Variants in SLC25A12 observed in about 807,000 individuals in gnomAD.
The protein encoded by SLC25A12 is electrogenic aspartate/glutamate antiporter SLC25A12, mitochondrial.
Under a neutral mutation model 83.3 loss-of-function variants are expected in SLC25A12, and 32 were observed. The ratio of observed to expected loss-of-function variants is 0.38; its 90% CI spans 0.29 to 0.52. The LOEUF is 0.52. Ranked by LOEUF, SLC25A12 falls within the 20% of genes least tolerant of loss-of-function variation. The probability of loss-of-function intolerance (pLI) is 0.84; values close to 1 mark genes in which losing one functional copy is unlikely to be tolerated. For missense variants in SLC25A12, 611 were observed against 835.6 expected (o/e 0.73, Z 3.31); for synonymous variants, 267 against 291.1 (o/e 0.92, Z 0.84).
At chr2:171,844,997 A>C (rs1457412024) in intron 4 of SLC25A12, among the ~76,000 whole-genome samples, 4 of 152,204 alleles carry the variant, frequency 2.6e-5, no homozygotes, top group African/African-American at 9.6e-5. Flanking sequence ...GATAGGTATA[A>C]GAAAAACTAT....
At chr2:171,799,752 C>A (rs1193841981) in intron 13 of SLC25A12, among the ~76,000 whole-genome samples, 3 of 152,194 alleles carry the variant, frequency 2.0e-5, no homozygotes, top group Non-Finnish European at 4.4e-5. Flanking sequence ...ACTACTAACT[C>A]ATTTGAGAGC....
intron 13 of SLC25A12, among the ~76,000 whole-genome samples, chr2:171,795,416 AT>A (rs1460640180): frequency 6.6e-6 from 1 of 152,220 alleles, no homozygotes; most frequent in East Asian, 1.9e-4. Flanking sequence ...TGCATGAAAA[AT>A]TATGTTAAAA....
chr2:171,861,597 G>C (rs1042445234), intron 3 of SLC25A12, among the ~76,000 whole-genome samples: 1 of 152,032 alleles, frequency 6.6e-6, no homozygotes, highest in Non-Finnish European at 1.5e-5. Flanking sequence ...TTGTATAGAC[G>C]GGGTTTTGCT....
chr2:171,852,235 C>T (rs1240599757), intron 4 of SLC25A12, among the ~76,000 whole-genome samples: 1 of 152,152 alleles, frequency 6.6e-6, no homozygotes, highest in Non-Finnish European at 1.5e-5. Flanking sequence ...GCAGAGGTAT[C>T]TTTAACAACA....
At chr2:171,837,524 C>A (rs965791039) in intron 5 of SLC25A12, among the ~76,000 whole-genome samples, 7 of 152,078 alleles carry the variant, frequency 4.6e-5, no homozygotes, top group Non-Finnish European at 1.0e-4. Flanking sequence ...GAAAAAATAA[C>A]CCTTAGATTT....
chr2:171,833,316 A>T (rs1684483825), intron 8 of SLC25A12, among the ~76,000 whole-genome samples: 1 of 152,154 alleles, frequency 6.6e-6, no homozygotes, highest in Non-Finnish European at 1.5e-5. Context: ...ATTTATGAAG[A>T]TCACGTCTCT....
At chr2:171,821,566 T>G (rs1047098929) in intron 9 of SLC25A12, among the ~76,000 whole-genome samples, 117 of 152,226 alleles carry the variant, frequency 7.7e-4, no homozygotes, top group Non-Finnish European at 1.3e-3. Context: ...AGTTTTAATG[T>G]GTGTTTTCTT....
intron 2 of SLC25A12, among the ~76,000 whole-genome samples, chr2:171,870,900 T>C (rs1685443442): frequency 6.6e-6 from 1 of 152,044 alleles, no homozygotes; most frequent in African/African-American, 2.4e-5. Flanking sequence ...CAAAGCCACC[T>C]GTTCTTTCAA....
chr2:171,827,762 T>C (rs980823285), intron 8 of SLC25A12, among the ~76,000 whole-genome samples: 5 of 152,230 alleles, frequency 3.3e-5, no homozygotes, highest in African/African-American at 9.6e-5. Flanking sequence ...ACTGGACAAC[T>C]TGTAGTCAAG....
rs1180806455 is a variant in SLC25A12 at position 171,813,324 on chromosome 2, G to A, written c.1171+15C>T. Reference sequence around the variant, plus strand: ...TCAAATCACTAACTTCAGCAGCTGGGATTTGCTTACTCACCCCTGTAGAGT... The same window carrying A: ...TCAAATCACTAACTTCAGCAGCTGGAATTTGCTTACTCACCCCTGTAGAGT... On this transcript the variant is annotated intron_variant, in intron 11 of 17. Coordinates refer to ENST00000422440, the MANE Select transcript of SLC25A12 (RefSeq NM_003705.5). 1 of 1,613,758 alleles carries A rather than the reference G, an allele frequency of 6.2e-7. No homozygotes were observed. Among genetic ancestry groups the A allele is most frequent in the Non-Finnish European group, 8.5e-7 (1 of 1,179,750 alleles).
At chr2:171,878,512 C>T (rs1685618186) in intron 2 of SLC25A12, among the ~76,000 whole-genome samples, 1 of 152,332 alleles carries the variant, frequency 6.6e-6, no homozygotes, top group South Asian at 2.1e-4. Flanking sequence ...TTTCATCTCT[C>T]TCCAAGCCAG....
Position 171,887,767 on chromosome 2 carries a change from T to C in SLC25A12, c.66+5438A>G, listed in dbSNP as rs975677200. On this transcript the variant is annotated intron_variant, in intron 2 of 17. Transcript: ENST00000422440. ...ATGGTAAAATCTTAGCTTAAACCAG[T>C]TGTAAAATTACAGCACAGCCTAACA... 5.3e-5 allele frequency among the ~76,000 whole-genome samples: 8 copies of C among 152,340 alleles called. No homozygotes were observed. The East Asian group carries it at 1.2e-3, about 22-fold the overall frequency.
chr2:171,798,518 C>A (rs908979879), intron 13 of SLC25A12, among the ~76,000 whole-genome samples: 1 of 152,196 alleles, frequency 6.6e-6, no homozygotes, highest in Admixed American at 6.5e-5. Flanking sequence ...TGATGAAAAT[C>A]TAACTTCAAT....
intron 4 of SLC25A12, among the ~76,000 whole-genome samples, chr2:171,855,186 G>A (rs935687508): frequency 2.0e-5 from 3 of 152,244 alleles, no homozygotes; most frequent in African/African-American, 7.2e-5. Context: ...ACTAATTTCT[G>A]TAAAAAAGTA....
chr2:171,811,856 T>G (rs1040147524), intron 11 of SLC25A12, among the ~76,000 whole-genome samples: 2 of 152,208 alleles, frequency 1.3e-5, no homozygotes, highest in Non-Finnish European at 2.9e-5. Context: ...AGGGGACATT[T>G]TCTTTGCAAT....
intron 13 of SLC25A12, among the ~76,000 whole-genome samples, chr2:171,796,504 T>C (rs1683600542): frequency 6.6e-6 from 1 of 152,202 alleles, no homozygotes; most frequent in Admixed American, 6.5e-5. Context: ...TTGTATATGT[T>C]TTAAAAATTA....
intron 2 of SLC25A12, among the ~76,000 whole-genome samples, chr2:171,884,987 G>C (rs766579775): frequency 3.9e-5 from 6 of 152,136 alleles, no homozygotes; most frequent in Non-Finnish European, 8.8e-5. Context: ...GCCGAGGAGG[G>C]TGGATCACAA....
intron 8 of SLC25A12, among the ~76,000 whole-genome samples, chr2:171,831,208 A>G (rs958359083): frequency 6.6e-6 from 1 of 152,182 alleles, no homozygotes; most frequent in Admixed American, 6.5e-5. Context: ...GACCTAAGGG[A>G]GCCTGGGACT....
intron 5 of SLC25A12, among the ~76,000 whole-genome samples, chr2:171,840,192 T>C (rs916516381): frequency 1.2e-4 from 19 of 152,062 alleles, no homozygotes; most frequent in Admixed American, 2.6e-4. Flanking sequence ...AGACCTAGCC[T>C]AGGCAACATG....
Sources: allele counts gnomAD v4.1 joint callset (sites outside exome capture counted in the v4.1 genomes callset), GRCh38; gene constraint gnomAD v4.1.1; transcripts MANE v1.5; gene names NCBI Gene and HGNC (gene_info 2026-07-23, HGNC 2026-07-21).